Variants in FOXP2 observed in about 807,000 individuals in gnomAD.
FOXP2 encodes forkhead box protein P2.
Under a neutral mutation model 115.8 loss-of-function variants are expected in FOXP2, and 12 were observed. The ratio of observed to expected loss-of-function variants is 0.10; its 90% CI spans 0.07 to 0.17. The LOEUF (loss-of-function observed/expected upper bound fraction) is 0.17, where lower values mean the gene tolerates loss of function less well. FOXP2 is among the 10% of genes least tolerant of loss of function. The pLI, the probability that FOXP2 is intolerant of heterozygous loss-of-function variation, is 1.00. For missense variants in FOXP2, 629 were observed against 843.5 expected (o/e 0.75, Z 3.15); for synonymous variants, 328 against 297.7 (o/e 1.10, Z -1.05).
At chr7:114,677,077 A>G (rs1807812227) in intron 16 of FOXP2, among the ~76,000 whole-genome samples, 1 of 151,858 alleles carries the variant, frequency 6.6e-6, no homozygotes, top group Non-Finnish European at 1.5e-5. Context: ...GAGGCAGGAG[A>G]ATCGCTTGAA....
intron 2 of FOXP2, among the ~76,000 whole-genome samples, chr7:114,331,563 T>C (rs1378075141): frequency 6.6e-6 from 1 of 152,188 alleles, no homozygotes; most frequent in African/African-American, 2.4e-5. Flanking sequence ...GTCAGCTTCT[T>C]CTCAGGCTAG....
chr7:114,385,820 G>A (rs931816964), intron 2 of FOXP2, among the ~76,000 whole-genome samples: 5 of 152,012 alleles, frequency 3.3e-5, no homozygotes, highest in South Asian at 2.1e-4. Context: ...AGATGGTGGC[G>A]AGCCACTTCC....
At chr7:114,133,945 T>A (rs538672874) in intron 1 of FOXP2, among the ~76,000 whole-genome samples, 1 of 152,056 alleles carries the variant, frequency 6.6e-6, no homozygotes, top group Admixed American at 6.5e-5. Flanking sequence ...AAATAAATCT[T>A]TAAATGACCC....
At chr7:114,169,509 CTTCA>C (rs1793079329) in intron 1 of FOXP2, among the ~76,000 whole-genome samples, 1 of 152,134 alleles carries the variant, frequency 6.6e-6, no homozygotes, top group African/African-American at 2.4e-5. Context: ...ATGCCTGTAT[CTTCA>C]TTGTATCTAG....
At chr7:114,601,772 T>G (rs1308670023) in intron 3 of FOXP2, among the ~76,000 whole-genome samples, 2 of 152,112 alleles carry the variant, frequency 1.3e-5, no homozygotes, top group Non-Finnish European at 2.9e-5. Context: ...TTTCAAATAT[T>G]TTAAGATCTC....
chr7:114,534,829 A>G (rs1799301979), intron 3 of FOXP2, 123 bp downstream of exon 3: 4 of 741,232 alleles, frequency 5.4e-6, no homozygotes, highest in Non-Finnish European at 9.5e-6. Flanking sequence ...GGTAATTTTA[A>G]TTCATAAAGA....
rs1394481073 is a variant in FOXP2 at position 114,689,789 on chromosome 7, A to G, written c.2011A>G (p.Ile671Val). The change falls in exon 17 of 17, where the codon ATC becomes GTC. Residue 671 changes from isoleucine (I) to valine (V), a missense_variant. Around this residue, in one of 9 missense-constraint regions of FOXP2, gnomAD observed 117 missense variants for 112.3 expected, o/e 1.04. Transcript: ENST00000350908. ...GCSPQPHIHS[I>V]HVKEEPVIAE... ...TATCTACATGTTTTTCAGACATTCA[A>G]TCCACGTCAAGGAAGAGCCAGTGAT... is the stretch of plus-strand genomic sequence containing the variant. 4 of 1,613,296 alleles carry G rather than the reference A, an allele frequency of 2.5e-6. No individual in the cohort carries two copies. Among genetic ancestry groups the G allele is most frequent in the African/African-American group, 1.3e-5 (1 of 75,020 alleles).
intron 16 of FOXP2, among the ~76,000 whole-genome samples, chr7:114,687,334 G>T (rs1563079565): frequency 6.6e-6 from 1 of 152,060 alleles, no homozygotes; most frequent in Non-Finnish European, 1.5e-5. Flanking sequence ...GCATATCTGT[G>T]CATGATTGCT....
chr7:114,455,138 A>G (rs952744573), intron 2 of FOXP2, among the ~76,000 whole-genome samples: 1 of 152,172 alleles, frequency 6.6e-6, no homozygotes, highest in African/African-American at 2.4e-5. Flanking sequence ...ATGCATATTC[A>G]ATGTCCAATA....
intron 16 of FOXP2, among the ~76,000 whole-genome samples, chr7:114,686,079 T>C (rs1808346980): frequency 6.6e-6 from 1 of 152,072 alleles, no homozygotes; most frequent in South Asian, 2.1e-4. Context: ...CATCTAAATA[T>C]ACTTTCATAT....
chr7:114,441,285 T>C (rs1304822882), intron 2 of FOXP2, among the ~76,000 whole-genome samples: 1 of 151,712 alleles, frequency 6.6e-6, no homozygotes, highest in Non-Finnish European at 1.5e-5. Context: ...TCGTCTCTAC[T>C]AAAAATACAA....
intron 5 of FOXP2, among the ~76,000 whole-genome samples, chr7:114,630,242 A>G (rs1804828076): frequency 6.6e-6 from 1 of 152,150 alleles, no homozygotes; most frequent in African/African-American, 2.4e-5. Context: ...AATGAATCAC[A>G]GTACAAAGAG....
At chr7:114,589,605 C>G (rs538731078) in intron 3 of FOXP2, among the ~76,000 whole-genome samples, 1 of 152,292 alleles carries the variant, frequency 6.6e-6, no homozygotes, top group South Asian at 2.1e-4. Context: ...ACTAATAATG[C>G]ACTTCTCAGA....
intron 1 of FOXP2, among the ~76,000 whole-genome samples, chr7:114,252,394 G>A (rs1016924628): frequency 6.6e-6 from 1 of 151,990 alleles, no homozygotes; most frequent in African/African-American, 2.4e-5. Context: ...TACCTCTGGT[G>A]GAATTCGGCT....
At chr7:114,380,140 C>G (rs886339659) in intron 2 of FOXP2, among the ~76,000 whole-genome samples, 1 of 152,196 alleles carries the variant, frequency 6.6e-6, no homozygotes, top group East Asian at 1.9e-4. Context: ...TTCTGATGAC[C>G]CCGGCAGTGT....
chr7:114,380,945 TAAAGA>T (rs1260654583), intron 2 of FOXP2, among the ~76,000 whole-genome samples: 2 of 152,224 alleles, frequency 1.3e-5, no homozygotes, highest in African/African-American at 4.8e-5. Flanking sequence ...CTGTGACATA[TAAAGA>T]AAAGTCTTGC....
intron 1 of FOXP2, among the ~76,000 whole-genome samples, chr7:114,174,271 C>T (rs1167209554): frequency 1.3e-5 from 2 of 151,852 alleles, no homozygotes; most frequent in African/African-American, 4.8e-5. Context: ...TTTATGTAGC[C>T]ACTTATTCTA....
Position 114,118,296 on chromosome 7 carries a change from T to C in FOXP2, c.-247+30458T>C, listed in dbSNP as rs1791464178. Among the ~76,000 whole-genome samples, 3 of 152,256 alleles carry C rather than the reference T, an allele frequency of 2.0e-5. No homozygotes were observed. In the South Asian group the frequency reaches 6.2e-4, roughly 32 times the overall value. The stretch of plus-strand genomic sequence containing the variant: ...TGTCCTTATGCATAATTTCTTATTC[T>C]GTGTGAAATTTGTCTTCATTAGAGC... On this transcript the variant is annotated intron_variant, in intron 1 of 19. Coordinates refer to the FOXP2 transcript ENST00000635638.
At chr7:114,685,834 C>T (rs1808331599) in intron 16 of FOXP2, among the ~76,000 whole-genome samples, 1 of 152,074 alleles carries the variant, frequency 6.6e-6, no homozygotes, top group Non-Finnish European at 1.5e-5. Context: ...TACAACTATT[C>T]ACTTTTAAAG....
Sources: gnomAD v4.1 joint callset for allele counts (sites outside exome capture counted in the v4.1 genomes callset) on GRCh38, gnomAD v4.1.1 for gene constraint, gnomAD v4.1.1 regional missense constraint, MANE v1.5 for transcripts, NCBI Gene and HGNC (gene_info 2026-07-23, HGNC 2026-07-21) for gene names.